The following TTC28 variants were observed in gnomAD, a reference collection of about 807,000 sequenced individuals.
The protein encoded by TTC28 is tetratricopeptide repeat domain 28, also known as tetratricopeptide repeat protein 28.
Under a neutral mutation model 198.0 loss-of-function variants are expected in TTC28, and 61 were observed. The observed-to-expected ratio is 0.31, with a 90% CI of 0.25 to 0.38. The LOEUF (loss-of-function observed/expected upper bound fraction) is 0.38. Among genes scored for constraint, TTC28 ranks in the 10% least tolerant of loss-of-function variants. The pLI is 1.00. For synonymous variants in TTC28, 1,171 were observed against 1,297.8 expected (o/e 0.90, Z 2.10); for missense variants, 2,678 against 3,164.0 (o/e 0.85, Z 3.69).
At chr22:28,354,796 T>C (rs934386109) in intron 2 of TTC28, among the ~76,000 whole-genome samples, 1 of 152,144 alleles carries the variant, frequency 6.6e-6, no homozygotes, top group African/African-American at 2.4e-5. Context: ...TATCAACATG[T>C]CTTAACCATC....
intron 12 of TTC28, among the ~76,000 whole-genome samples, chr22:28,049,076 T>A (rs555203483): frequency 1.3e-5 from 2 of 152,290 alleles, no homozygotes; most frequent in Admixed American, 1.3e-4. Context: ...TGGACAGGTG[T>A]GGAGGCACGG....
chr22:28,110,539 G>A (rs1942452704), intron 6 of TTC28, among the ~76,000 whole-genome samples: 1 of 152,072 alleles, frequency 6.6e-6, no homozygotes, highest in African/African-American at 2.4e-5. Context: ...ATAAGCCATG[G>A]TAATTCTTCT....
intron 6 of TTC28, among the ~76,000 whole-genome samples, chr22:28,123,292 C>T (rs568796454): frequency 4.6e-5 from 7 of 151,926 alleles, no homozygotes; most frequent in South Asian, 2.1e-4. Flanking sequence ...GTCTCACTCT[C>T]GTGCCCAGGC....
chr22:28,370,471 T>C (rs2046315686), intron 2 of TTC28, among the ~76,000 whole-genome samples: 1 of 152,224 alleles, frequency 6.6e-6, no homozygotes. Context: ...ATAATACCCA[T>C]TTTGATAGGC....
At chr22:28,000,008 C>G (rs1937628117) in intron 15 of TTC28, 1 of 152,112 alleles carries the variant, frequency 6.6e-6, no homozygotes, top group African/African-American at 2.4e-5. Context: ...TCTGGTTAAG[C>G]TACAAACAGC....
chr22:28,150,791 C>T (rs1264753230), intron 6 of TTC28, among the ~76,000 whole-genome samples: 1 of 152,192 alleles, frequency 6.6e-6, no homozygotes, highest in Non-Finnish European at 1.5e-5. Flanking sequence ...TAACCCATTG[C>T]AAGGCTCCCA....
intron 2 of TTC28, among the ~76,000 whole-genome samples, chr22:28,441,388 C>T (rs2047619164): frequency 6.7e-6 from 1 of 149,044 alleles, no homozygotes; most frequent in Non-Finnish European, 1.5e-5. Context: ...ATGAGTTTTC[C>T]TCGTTCTGTC....
In TTC28 at chr22:28,107,502, C is replaced by T. The variant is rs1942343551; in HGVS notation, c.2343G>A (p.Leu781=). The T allele has an allele frequency of 6.4e-7, 1 of 1,551,802 alleles. No individual in the cohort carries two copies. Among genetic ancestry groups the T allele is most frequent in the African/African-American group, 1.4e-5 (1 of 73,164 alleles). Residue 781 remains leucine, a synonymous_variant, in exon 7 of 23, where the codon CTG becomes CTA. Transcript: ENST00000397906. ...AGTCACTCAGCTCCTGATATACCTC[C>T]AGTTCCTGTGTGTGATAACCCAGGG... ...DKALGYHTQE[L]EVYQELSDLP... is the part of the protein sequence containing the mutation.
chr22:28,001,656 C>G, intron 14 of TTC28, 103 bp from the exon 15 acceptor site: 1 of 1,354,576 alleles, frequency 7.4e-7, no homozygotes, highest in Non-Finnish European at 1.0e-6. Context: ...CAAGCACGAG[C>G]AGGTGAGGCC....
Position 28,294,857 on chromosome 22 carries a change from G to A in TTC28, c.933+1341C>T, listed in dbSNP as rs148597067. 2.1e-3 allele frequency among the ~76,000 whole-genome samples: 319 copies of A among 152,238 alleles called. 7 individuals are homozygous for A. In the East Asian group the frequency reaches 0.052, roughly 25 times the overall value. ...GCTGGGATTACAGGCGTGAGCCACC[G>A]TGCCTGGCCAGCTCTTGACATATTT... On this transcript the variant is annotated intron_variant, in intron 5 of 22. Transcript: ENST00000397906.
chr22:28,624,562 C>G (rs2051048892), intron 2 of TTC28, among the ~76,000 whole-genome samples: 1 of 151,828 alleles, frequency 6.6e-6, no homozygotes, highest in South Asian at 2.1e-4. Flanking sequence ...TTTGAATAGC[C>G]CTACATCAAT....
At chr22:28,495,622 G>C (rs753741208) in intron 2 of TTC28, among the ~76,000 whole-genome samples, 11 of 152,088 alleles carry the variant, frequency 7.2e-5, no homozygotes, top group Non-Finnish European at 1.3e-4. Flanking sequence ...AAAAAATAGT[G>C]AATTAAATAT....
intron 5 of TTC28, among the ~76,000 whole-genome samples, chr22:28,174,710 A>T (rs753137434): frequency 1.3e-5 from 2 of 152,130 alleles, no homozygotes; most frequent in Non-Finnish European, 2.9e-5. Flanking sequence ...GAAACCCCAT[A>T]TCTTAAGAAA....
At chr22:28,228,561 G>A (rs1161299444) in intron 5 of TTC28, among the ~76,000 whole-genome samples, 2 of 151,984 alleles carry the variant, frequency 1.3e-5, no homozygotes, top group African/African-American at 2.4e-5. Context: ...TTAGCTGGGC[G>A]TGGTGGTGTG....
chr22:28,377,267 A>G (rs1008907870), intron 2 of TTC28, among the ~76,000 whole-genome samples: 1 of 151,566 alleles, frequency 6.6e-6, no homozygotes, highest in Non-Finnish European at 1.5e-5. Flanking sequence ...TTAAAAAAAA[A>G]AAAACCTTGT....
intron 2 of TTC28, among the ~76,000 whole-genome samples, chr22:28,392,414 G>C (rs2046742674): frequency 6.6e-6 from 1 of 152,288 alleles, no homozygotes. Flanking sequence ...AGCAAGCCTG[G>C]GCAATGGCGG....
At chr22:28,351,680 T>C (rs147000740) in intron 2 of TTC28, among the ~76,000 whole-genome samples, 1,712 of 152,306 alleles carry the variant, frequency 0.011, 32 homozygotes, top group African/African-American at 0.039. Flanking sequence ...CTGCCTGAGA[T>C]AGAAGAAGGC....
At chr22:28,135,112 T>G (rs1569156831) in intron 6 of TTC28, among the ~76,000 whole-genome samples, 1 of 152,148 alleles carries the variant, frequency 6.6e-6, no homozygotes. Context: ...AGATTTTGGA[T>G]CTTACTTGAA....
At chr22:28,227,695 T>C (rs1928452986) in intron 5 of TTC28, among the ~76,000 whole-genome samples, 1 of 151,416 alleles carries the variant, frequency 6.6e-6, no homozygotes, top group South Asian at 2.1e-4. Context: ...AGGATGTTAT[T>C]ACAGATTTGA....
Sources: gnomAD v4.1 joint callset for allele counts (sites outside exome capture counted in the v4.1 genomes callset) on GRCh38, gnomAD v4.1.1 for gene constraint, MANE v1.5 for transcripts, NCBI Gene and HGNC (gene_info 2026-07-23, HGNC 2026-07-21) for gene names.